Variants in EPM2A observed in about 807,000 individuals in gnomAD.
EPM2A encodes EPM2A glucan phosphatase, laforin.
A neutral mutation model predicts 26.5 loss-of-function variants in EPM2A; 21 were observed. The ratio of observed to expected loss-of-function variants is 0.79; its 90% confidence interval spans 0.56 to 1.14. The LOEUF (loss-of-function observed/expected upper bound fraction) is 1.14, where lower values mean the gene tolerates loss of function less well. Ranked by LOEUF, EPM2A falls within the 50% of genes most tolerant of loss-of-function variation. The pLI is 0.00. For missense variants in EPM2A, 458 were observed against 440.8 expected (o/e 1.04, Z -0.35); for synonymous variants, 217 against 177.6 (o/e 1.22, Z -1.76).
intron 1 of EPM2A, among the ~76,000 whole-genome samples, chr6:145,687,600 C>A (rs1202136236): frequency 1.3e-5 from 2 of 152,114 alleles, no homozygotes; most frequent in East Asian, 3.8e-4. Flanking sequence ...GAGTGGTTTA[C>A]AGAAATAAAT....
intron 2 of EPM2A, among the ~76,000 whole-genome samples, chr6:145,506,913 A>G (rs1779983954): frequency 2.0e-5 from 3 of 152,206 alleles, no homozygotes. Context: ...AATAGGGTCC[A>G]GGATGCTTGC....
At chr6:145,586,445 A>G (rs371964670) in intron 2 of EPM2A, among the ~76,000 whole-genome samples, 4 of 152,212 alleles carry the variant, frequency 2.6e-5, no homozygotes, top group African/African-American at 7.2e-5. Context: ...TAAGTAAGCA[A>G]CATACAGGTT....
rs1468409370 is a variant in EPM2A, at chr6:145,454,914, CAAA to C, written c.555+47605_555+47607del. Among the ~76,000 whole-genome samples the C allele has an allele frequency of 2.0e-5, 3 of 152,060 alleles. No individual in the cohort carries two copies. The South Asian group carries it at 6.2e-4, about 32-fold the overall frequency. On this transcript the variant is annotated intron_variant, in intron 4 of 4. Coordinates refer to the EPM2A transcript ENST00000638717. ...GTGAAATTAAATTGAATATTAATAA[CAAA>C]GAATTACTAGAAAAACTAAATATGT... is the stretch of plus-strand genomic sequence containing the variant.
At chr6:145,596,463 C>T (rs1165684519) in intron 2 of EPM2A, among the ~76,000 whole-genome samples, 1 of 152,038 alleles carries the variant, frequency 6.6e-6, no homozygotes, top group African/African-American at 2.4e-5. Context: ...TACCCATTTT[C>T]CCAGTATTAG....
chr6:145,644,000 C>T (rs886552758), intron 2 of EPM2A, among the ~76,000 whole-genome samples: 4 of 152,114 alleles, frequency 2.6e-5, no homozygotes, highest in Non-Finnish European at 4.4e-5. Context: ...TGCATGTTCA[C>T]GAGCTCCCAT....
chr6:145,624,173 A>G (rs1775696763), downstream of EPM2A, among the ~76,000 whole-genome samples: 1 of 152,126 alleles, frequency 6.6e-6, no homozygotes, highest in South Asian at 2.1e-4. Context: ...TGATTTGATC[A>G]GCACGTTACA....
At chr6:145,387,224 G>T (rs1314349537) in intron 4 of EPM2A, among the ~76,000 whole-genome samples, 1 of 152,124 alleles carries the variant, frequency 6.6e-6, no homozygotes, top group Non-Finnish European at 1.5e-5. Context: ...TATAGTAAAT[G>T]ATATTCTCAA....
At chr6:145,687,504 T>A (rs1781005498) in intron 1 of EPM2A, among the ~76,000 whole-genome samples, 1 of 152,152 alleles carries the variant, frequency 6.6e-6, no homozygotes, top group Non-Finnish European at 1.5e-5. Flanking sequence ...ACTACCTTTT[T>A]ATCATCCCAT....
intron 4 of EPM2A, among the ~76,000 whole-genome samples, chr6:145,403,998 C>T (rs1453563553): frequency 6.6e-6 from 1 of 152,128 alleles, no homozygotes; most frequent in Non-Finnish European, 1.5e-5. Context: ...TTTTGATTTG[C>T]ATTTCTCTGA....
At chr6:145,707,167 G>A (rs1172802308) in intron 1 of EPM2A, among the ~76,000 whole-genome samples, 1 of 152,154 alleles carries the variant, frequency 6.6e-6, no homozygotes, top group Non-Finnish European at 1.5e-5. Context: ...TGTTATAGCA[G>A]CCTGAAAAGG....
In EPM2A at chr6:145,627,608, A is replaced by G. The variant is rs1775915588; in HGVS notation, c.804T>C (p.Ala268=). The G allele has an allele frequency of 1.2e-6, 2 of 1,614,054 alleles. No individual in the cohort carries two copies. Among genetic ancestry groups the G allele is most frequent in the Admixed American group, 1.7e-5 (1 of 60,006 alleles). ...CAGCCGCGGTGGAGCGGCCCACCCC[A>G]GCGTTGCAGTGCACGTACACGATGT... The part of the protein sequence containing the change: ...KGHIVYVHCN[A]GVGRSTAAVC... The change falls in exon 4 of 4, where the codon GCT becomes GCC. Residue 268 remains alanine (A), a synonymous_variant. Coordinates refer to ENST00000367519, the MANE Select transcript of EPM2A (RefSeq NM_005670.4).
At chr6:145,568,964 G>A (rs1780920416) in intron 2 of EPM2A, among the ~76,000 whole-genome samples, 1 of 152,232 alleles carries the variant, frequency 6.6e-6, no homozygotes, top group African/African-American at 2.4e-5. Flanking sequence ...CACTGGAGGT[G>A]TGAATGCAGC....
chr6:145,464,563 C>A (rs1779363666), intron 4 of EPM2A, among the ~76,000 whole-genome samples: 1 of 152,084 alleles, frequency 6.6e-6, no homozygotes, highest in Admixed American at 6.6e-5. Context: ...AGTTAAGCAT[C>A]TTTTAAAATG....
rs1229226943 is a variant in EPM2A, at chr6:145,627,664, A to C, written c.748T>G (p.Cys250Gly). 4 of 1,614,012 alleles carry C rather than the reference A, an allele frequency of 2.5e-6. No individual in the cohort carries two copies. The highest frequency in any genetic ancestry group is 1.3e-5 in the African/African-American group (1 of 74,932). The change falls in exon 4 of 4, where the codon TGC becomes GGC. Residue 250 changes from cysteine (C) to glycine (G), a missense_variant. By Grantham distance (159) the Cys-to-Gly change is radical. Coordinates refer to ENST00000367519, the MANE Select transcript of EPM2A (RefSeq NM_005670.4). Reference protein sequence around the residue: ...GRVQMLPQAVCLLHALLEKGH... With the variant: ...GRVQMLPQAVGLLHALLEKGH... The stretch of plus-strand genomic sequence containing the variant: ...TTCTCCAGCAGCGCATGCAGCAGGC[A>C]CACCGCCTGGGGCAGCATCTGTACT...
chr6:145,629,851 G>C (rs1472951867), intron 3 of EPM2A: 1 of 152,300 alleles, frequency 6.6e-6, no homozygotes, highest in Non-Finnish European at 1.5e-5. Flanking sequence ...ATAGCCCACA[G>C]TGGTCATTTG....
rs1266559813 is a variant in EPM2A at position 145,419,179 on chromosome 6, G to GCCC, written c.556-35083_556-35082insGGG. Among the ~76,000 whole-genome samples, 80 of 136,268 alleles carry GCCC rather than the reference G, an allele frequency of 5.9e-4. 2 individuals carry two copies. The highest frequency in any genetic ancestry group is 2.2e-3 in the South Asian group (9 of 4,070). 89.4% of individuals were successfully genotyped at this position (136,268 alleles called of 152,430 possible). ...ATTGCCCAAGCAAATTCTGTTAAAT[G>GCCC]TCCCCCCCCCCCGCTCCTTTCCCCA... On this transcript the variant is annotated intron_variant, in intron 4 of 4. Coordinates refer to the EPM2A transcript ENST00000638717.
At chr6:145,546,177 A>G (rs1769888279) in intron 2 of EPM2A, among the ~76,000 whole-genome samples, 1 of 152,152 alleles carries the variant, frequency 6.6e-6, no homozygotes, top group South Asian at 2.1e-4. Flanking sequence ...AAGGCCTGAG[A>G]AACAGGGATG....
At chr6:145,498,215 C>T (rs541155913), downstream of EPM2A, among the ~76,000 whole-genome samples, 62 of 152,352 alleles carry the variant, frequency 4.1e-4, no homozygotes, top group Non-Finnish European at 8.1e-4. Context: ...GAACACCAAC[C>T]TGTCCTGGGA....
At chr6:145,601,792 T>C (rs773414667) in intron 2 of EPM2A, among the ~76,000 whole-genome samples, 2 of 152,202 alleles carry the variant, frequency 1.3e-5, no homozygotes, top group Admixed American at 6.5e-5. Context: ...ATGTGACCTC[T>C]TTTTGCCAAT....
Sources: allele counts gnomAD v4.1 joint callset (sites outside exome capture counted in the v4.1 genomes callset), GRCh38; gene constraint gnomAD v4.1.1; transcripts MANE v1.5; gene names NCBI Gene and HGNC (gene_info 2026-07-23, HGNC 2026-07-21).